Variants in KLHL3 observed in about 807,000 individuals in gnomAD.
KLHL3 encodes the protein kelch-like protein 3.
Under a neutral mutation model 70.5 loss-of-function variants are expected in KLHL3, and 19 were observed. The observed-to-expected ratio is 0.27, with a 90% CI of 0.19 to 0.40. The LOEUF is 0.40. Ranked by LOEUF, KLHL3 falls within the 10% of genes least tolerant of loss-of-function variation. The pLI, the probability that KLHL3 is intolerant of heterozygous loss-of-function variation, is 1.00. For missense variants in KLHL3, 512 were observed against 771.1 expected (o/e 0.66, Z 3.98); for synonymous variants, 258 against 290.3 (o/e 0.89, Z 1.13).
intron 3 of KLHL3, among the ~76,000 whole-genome samples, chr5:137,702,103 G>A (rs1373022360): frequency 1.3e-5 from 2 of 152,220 alleles, no homozygotes; most frequent in Non-Finnish European, 2.9e-5. Context: ...TCACAGCCCT[G>A]CCCTCATGGA....
chr5:137,622,181 GT>G (rs1404880506), intron 14 of KLHL3, 55 bp from the exon 15 acceptor site: 1 of 1,580,552 alleles, frequency 6.3e-7, no homozygotes, highest in African/African-American at 1.3e-5. Context: ...ATTACTCAGA[GT>G]CCCAGTGAGT....
intron 4 of KLHL3, among the ~76,000 whole-genome samples, chr5:137,696,653 T>C (rs144707048): frequency 1.1e-3 from 161 of 152,302 alleles, no homozygotes; most frequent in African/African-American, 3.8e-3. Context: ...GAATTCATCA[T>C]AGCCACAGAG....
At chr5:137,680,604 G>A (rs375331782) in intron 5 of KLHL3, among the ~76,000 whole-genome samples, 36 of 150,606 alleles carry the variant, frequency 2.4e-4, no homozygotes, top group East Asian at 1.2e-3. Flanking sequence ...GTGCAATGGC[G>A]CGATCTCAGC....
rs560363222 is a variant in KLHL3 at position 137,712,743 on chromosome 5, T to A, written c.135-2887A>T. 1.5e-4 allele frequency among the ~76,000 whole-genome samples: 23 copies of A among 152,242 alleles called. No individual in the cohort carries two copies. In the South Asian group the frequency reaches 1.9e-3, roughly 12 times the overall value. On this transcript the variant is annotated intron_variant, in intron 2 of 14. Transcript: ENST00000309755. The stretch of plus-strand genomic sequence containing the variant: ...TACAATGTAGCTGTTAGGAAGGAGC[T>A]CAGGCTCTCAAATCAAACTCACCTG...
intron 6 of KLHL3, among the ~76,000 whole-genome samples, chr5:137,664,087 C>T (rs1362241312): frequency 2.0e-5 from 3 of 151,840 alleles, no homozygotes; most frequent in Non-Finnish European, 4.4e-5. Flanking sequence ...TATGGTGGCT[C>T]ACACCTATAA....
chr5:137,691,873 C>A (rs1277087881), intron 5 of KLHL3, among the ~76,000 whole-genome samples: 2 of 152,150 alleles, frequency 1.3e-5, no homozygotes, highest in Non-Finnish European at 2.9e-5. Flanking sequence ...CTGCCTCAGC[C>A]TCCCAAAGTG....
intron 4 of KLHL3, among the ~76,000 whole-genome samples, chr5:137,697,344 A>G (rs1752470940): frequency 6.6e-6 from 1 of 152,042 alleles, no homozygotes; most frequent in African/African-American, 2.4e-5. Context: ...TTGTCTTTTC[A>G]GTAGAGACAG....
At chr5:137,656,911 T>A (rs79204251) in intron 8 of KLHL3, among the ~76,000 whole-genome samples, 3,628 of 152,370 alleles carry the variant, frequency 0.024, 80 homozygotes, top group Non-Finnish European at 0.034. Flanking sequence ...TCTCTGAAAC[T>A]CAGTTTCCTC....
intron 7 of KLHL3, among the ~76,000 whole-genome samples, chr5:137,660,482 G>A (rs1380882852): frequency 6.6e-6 from 1 of 152,164 alleles, no homozygotes; most frequent in African/African-American, 2.4e-5. Flanking sequence ...CCTCCGCTTA[G>A]GGGACCTTTT....
rs573899509 is a variant in KLHL3, at chr5:137,670,458, T to C, written c.636+7087A>G. Among the ~76,000 whole-genome samples, 3 of 151,630 alleles carry C rather than the reference T, an allele frequency of 2.0e-5. No individual in the cohort carries two copies. In the South Asian group the frequency reaches 6.3e-4, roughly 32 times the overall value. Reference sequence around the variant, plus strand: ...CTACTCTATAATGTGTTCCTAAGGATACTAGATGCAGGAGATATTCTGTAG... The same window carrying C: ...CTACTCTATAATGTGTTCCTAAGGACACTAGATGCAGGAGATATTCTGTAG... On this transcript the variant is annotated intron_variant, in intron 6 of 14. Coordinates refer to ENST00000309755, the MANE Select transcript of KLHL3 (RefSeq NM_017415.3).
intron 4 of KLHL3, chr5:137,692,763 C>T (rs530438870): frequency 3.5e-6 from 1 of 288,940 alleles, no homozygotes; most frequent in South Asian, 4.6e-5. Flanking sequence ...CTAATAAGAA[C>T]TCAAGTGATG....
intron 2 of KLHL3, among the ~76,000 whole-genome samples, chr5:137,714,389 T>C (rs1380279054): frequency 6.6e-6 from 1 of 152,156 alleles, no homozygotes; most frequent in African/African-American, 2.4e-5. Flanking sequence ...TGAATGTTCA[T>C]AGCAACATTA....
In KLHL3 at chr5:137,673,416, TG is replaced by T. The variant is rs569907020; in HGVS notation, c.636+4128del. ...ATCCCTATTGAAGTTAATAGGGGTC[TG>T]GCATGACATGAGGAAGGGGAAGGTC... On this transcript the variant is annotated intron_variant, in intron 6 of 14. Transcript: ENST00000309755. Among the ~76,000 whole-genome samples the T allele has an allele frequency of 2.0e-3, 311 of 152,272 alleles. 3 individuals are homozygous for T. The highest frequency in any genetic ancestry group is 3.4e-3 in the Middle Eastern group (1 of 294).
At chr5:137,717,173 G>C (rs1365130297) in intron 2 of KLHL3, among the ~76,000 whole-genome samples, 2 of 152,156 alleles carry the variant, frequency 1.3e-5, no homozygotes, top group Non-Finnish European at 2.9e-5. Flanking sequence ...AGAGCCAAAA[G>C]ACTTACAGCC....
chr5:137,696,753 A>G (rs1380797241), intron 4 of KLHL3, among the ~76,000 whole-genome samples: 1 of 152,152 alleles, frequency 6.6e-6, no homozygotes, highest in South Asian at 2.1e-4. Context: ...CCCTTTGAGC[A>G]CCAGTTTCTT....
At position 137,735,690 on chromosome 5, in the gene KLHL3, C is replaced by A. The variant is rs199812607; in HGVS notation, c.-44G>T. On this transcript the variant is annotated 5_prime_UTR_variant, in exon 1 of 15. Transcript: ENST00000309755. ...GGTGGTAGCTGCTGAACTGTGTATG[C>A]ACTCGGGGATCCTAGTTCTGTTCTT... 7.2e-5 allele frequency: 117 copies of A among 1,614,022 alleles called. No individual in the cohort carries two copies. In the African/African-American group the frequency reaches 1.4e-3, roughly 19 times the overall value.
At chr5:137,721,415 A>G (rs1163771340) in intron 1 of KLHL3, 1 of 152,258 alleles carries the variant, frequency 6.6e-6, no homozygotes, top group Non-Finnish European at 1.5e-5. Context: ...AAGCCATCAA[A>G]GGGTTTTAAA....
intron 8 of KLHL3, among the ~76,000 whole-genome samples, chr5:137,647,186 G>C (rs961882318): frequency 3.3e-5 from 5 of 152,146 alleles, no homozygotes; most frequent in African/African-American, 1.2e-4. Context: ...TGATTCCTTA[G>C]GAAGGAAATT....
At chr5:137,642,020 G>GAAC (rs1750924436) in intron 8 of KLHL3, among the ~76,000 whole-genome samples, 1 of 152,184 alleles carries the variant, frequency 6.6e-6, no homozygotes, top group Admixed American at 6.5e-5. Flanking sequence ...AGGCATCCAT[G>GAAC]AACAGTTCAA....
Sources: gnomAD v4.1 joint callset for allele counts (sites outside exome capture counted in the v4.1 genomes callset) on GRCh38, gnomAD v4.1.1 for gene constraint, MANE v1.5 for transcripts, NCBI Gene and HGNC (gene_info 2026-07-23, HGNC 2026-07-21) for gene names.